Variants in TBC1D32 observed in about 807,000 individuals in gnomAD.
The protein encoded by TBC1D32 is TBC1 domain family member 32, also known as protein broad-minded.
A neutral mutation model predicts 170.3 loss-of-function variants in TBC1D32; 151 were observed. That is an observed-to-expected ratio of 0.89 (90% CI 0.78 to 1.01). The LOEUF is 1.01. Among genes scored for constraint, TBC1D32 ranks in the 50% least tolerant of loss-of-function variants. The pLI is 0.00. For missense variants in TBC1D32, 1,464 were observed against 1,457.1 expected, an observed-to-expected ratio of 1.00 and a Z score of -0.08; for synonymous variants, 498 against 488.0, an observed-to-expected ratio of 1.02 and a Z score of -0.27.
At chr6:121,194,669 C>G (rs781033126) in intron 22 of TBC1D32, among the ~76,000 whole-genome samples, 3 of 152,216 alleles carry the variant, frequency 2.0e-5, no homozygotes, top group Non-Finnish European at 2.9e-5. Flanking sequence ...CATTCCTGTC[C>G]ATAAGGCCCA....
At chr6:121,253,915 T>C (rs1275900347) in intron 17 of TBC1D32, among the ~76,000 whole-genome samples, 3 of 152,022 alleles carry the variant, frequency 2.0e-5, no homozygotes, top group African/African-American at 7.2e-5. Flanking sequence ...GAAGACATTA[T>C]ATGAAAAAGA....
intron 24 of TBC1D32, among the ~76,000 whole-genome samples, chr6:121,136,731 C>T (rs901883272): frequency 2.0e-5 from 3 of 152,126 alleles, no homozygotes; most frequent in Non-Finnish European, 4.4e-5. Flanking sequence ...TGGTGGCGAT[C>T]TGTGTATGAA....
intron 12 of TBC1D32, among the ~76,000 whole-genome samples, chr6:121,288,047 T>G (rs1349845123): frequency 6.6e-6 from 1 of 151,568 alleles, no homozygotes; most frequent in Non-Finnish European, 1.5e-5. Context: ...ACAAGAGAAA[T>G]CAGGAAAGAT....
intron 30 of TBC1D32, among the ~76,000 whole-genome samples, chr6:121,096,976 G>T (rs1461964574): frequency 6.6e-6 from 1 of 152,082 alleles, no homozygotes; most frequent in Non-Finnish European, 1.5e-5. Context: ...AATGGTGCTG[G>T]GAAAACTGGC....
intron 24 of TBC1D32, among the ~76,000 whole-genome samples, chr6:121,159,514 T>C: frequency 6.6e-6 from 1 of 152,156 alleles, no homozygotes; most frequent in Non-Finnish European, 1.5e-5. Context: ...TTGCTTAATA[T>C]AATGAGAATA....
chr6:121,155,031 T>C (rs1784700943), intron 24 of TBC1D32, among the ~76,000 whole-genome samples: 1 of 152,208 alleles, frequency 6.6e-6, no homozygotes, highest in Non-Finnish European at 1.5e-5. Context: ...TTTCTAATTC[T>C]GTGAAAAATG....
At chr6:121,103,162 G>T (rs1315945479) in intron 30 of TBC1D32, among the ~76,000 whole-genome samples, 1 of 152,086 alleles carries the variant, frequency 6.6e-6, no homozygotes, top group Non-Finnish European at 1.5e-5. Flanking sequence ...CAACCATTGT[G>T]GAAGACAGTG....
chr6:121,318,296 C>A (rs551326415), intron 2 of TBC1D32, among the ~76,000 whole-genome samples: 24 of 152,160 alleles, frequency 1.6e-4, no homozygotes, highest in Middle Eastern at 3.4e-3. Context: ...TATTTAAAAT[C>A]TCTTTCGGAA....
chr6:121,150,053 G>A (rs1236275104), intron 24 of TBC1D32, among the ~76,000 whole-genome samples: 1 of 152,164 alleles, frequency 6.6e-6, no homozygotes, highest in Admixed American at 6.5e-5. Flanking sequence ...ACACTATGTT[G>A]AATAGGATTG....
At chr6:121,307,275 C>T (rs1197817699) in intron 5 of TBC1D32, among the ~76,000 whole-genome samples, 1 of 151,958 alleles carries the variant, frequency 6.6e-6, no homozygotes, top group Non-Finnish European at 1.5e-5. Flanking sequence ...ACTTGGGAGA[C>T]TGAGGTGGGA....
intron 19 of TBC1D32, 24 bp downstream of exon 19, chr6:121,241,441 T>C (rs754274563): frequency 5.7e-6 from 9 of 1,583,642 alleles, no homozygotes; most frequent in Admixed American, 5.1e-5. Context: ...ATAATTATAA[T>C]TCTAATGAAA....
intron 31 of TBC1D32, among the ~76,000 whole-genome samples, chr6:121,087,725 T>A (rs1176063945): frequency 6.6e-6 from 1 of 152,200 alleles, no homozygotes; most frequent in Non-Finnish European, 1.5e-5. Flanking sequence ...TTATTCAATT[T>A]CTTCTTAAAA....
At chr6:121,211,214 T>A (rs1434789841) in intron 21 of TBC1D32, among the ~76,000 whole-genome samples, 1 of 152,016 alleles carries the variant, frequency 6.6e-6, no homozygotes, top group Non-Finnish European at 1.5e-5. Context: ...TATAGAGTCA[T>A]CTCCAAGATA....
rs755195166 is a variant in TBC1D32 at position 121,079,622 on chromosome 6, G to C, written c.*1149C>G. ...TAAAAATGAATAATGTAATATATTC[G>C]TGTATTATCTTTCATATACTCATTG... On this transcript the variant is annotated 3_prime_UTR_variant, in exon 32 of 32. Coordinates refer to ENST00000398212, the MANE Select transcript of TBC1D32 (RefSeq NM_152730.6). 6.6e-6 allele frequency: 1 copy of C among 151,988 alleles called. No homozygotes were observed. Among genetic ancestry groups the C allele is most frequent in the Non-Finnish European group, 1.5e-5 (1 of 67,950 alleles). The allele number at this position is 151,988 out of a possible 1,614,324, so 9.4% of individuals were successfully genotyped here. A position where few individuals can be genotyped will look rare whatever the true frequency, so the allele number is the denominator to read the frequency against.
intron 3 of TBC1D32, among the ~76,000 whole-genome samples, chr6:121,313,933 T>C (rs79629995): frequency 0.033 from 4,991 of 152,148 alleles, 194 homozygotes; most frequent in East Asian, 0.12. Context: ...CTCAAGAAAT[T>C]CTGATTAAGA....
intron 31 of TBC1D32, among the ~76,000 whole-genome samples, chr6:121,085,050 T>C (rs1434087967): frequency 1.3e-5 from 2 of 151,560 alleles, no homozygotes; most frequent in Non-Finnish European, 3.0e-5. Context: ...CCACAAAAGG[T>C]ACAGAACTTA....
At chr6:121,219,647 G>A (rs994323848) in intron 21 of TBC1D32, among the ~76,000 whole-genome samples, 4 of 152,184 alleles carry the variant, frequency 2.6e-5, no homozygotes, top group African/African-American at 7.2e-5. Flanking sequence ...CCACTGTAGT[G>A]GGAAATACAG....
At chr6:121,175,098 A>G (rs1787589475) in intron 22 of TBC1D32, among the ~76,000 whole-genome samples, 1 of 152,114 alleles carries the variant, frequency 6.6e-6, no homozygotes, top group Non-Finnish European at 1.5e-5. Context: ...AGAAATCAAG[A>G]ATGACTCTTG....
chr6:121,161,002 T>G lies in TBC1D32; in HGVS notation c.2625A>C (p.Ile875=). The part of the protein sequence containing the change: ...SVERNHVLVR[I]NLVGGPLERI... ...GTTCCAATGGCCCACCAACAAGATT[T>G]ATTCTAACAAGAACATGATTTCTCT... Residue 875 remains isoleucine, a synonymous_variant, in exon 23 of 32, where the codon ATA becomes ATC. Coordinates refer to ENST00000398212, the MANE Select transcript of TBC1D32 (RefSeq NM_152730.6). 1 of 1,613,908 alleles carries G rather than the reference T, an allele frequency of 6.2e-7. No individual in the cohort carries two copies. Among genetic ancestry groups the G allele is most frequent in the Non-Finnish European group, 8.5e-7 (1 of 1,179,962 alleles).
Sources: gnomAD v4.1 joint callset for allele counts (sites outside exome capture counted in the v4.1 genomes callset) on GRCh38, gnomAD v4.1.1 for gene constraint, MANE v1.5 for transcripts, NCBI Gene and HGNC (gene_info 2026-07-23, HGNC 2026-07-21) for gene names.